The following TRIM41 variants were observed in gnomAD, a reference collection of about 807,000 sequenced individuals.
TRIM41 encodes the protein E3 ubiquitin-protein ligase TRIM41.
A neutral mutation model predicts 60.6 loss-of-function variants in TRIM41; 21 were observed. The observed-to-expected ratio is 0.35, with a 90% CI of 0.25 to 0.50. The LOEUF (loss-of-function observed/expected upper bound fraction) is 0.50, where lower values mean the gene tolerates loss of function less well. Ranked by LOEUF, TRIM41 falls within the 20% of genes least tolerant of loss-of-function variation. The probability of loss-of-function intolerance (pLI) is 0.98; values close to 1 mark genes in which losing one functional copy is unlikely to be tolerated. For synonymous variants in TRIM41, 407 were observed against 344.9 expected, an observed-to-expected ratio of 1.18 and a Z score of -2.00; for missense variants, 846 against 868.3, an observed-to-expected ratio of 0.97 and a Z score of 0.32.
Position 181,235,310 on chromosome 5 carries a change from G to A in TRIM41, c.*535G>A, listed in dbSNP as rs1759052547. On this transcript the variant is annotated 3_prime_UTR_variant, in exon 6 of 6. Transcript: ENST00000315073. ...TAAATGTCTATTCTCCTGGGGAGGA[G>A]GGATTCTAAACTTTCCTTCCGTCCT... 5 of 1,614,114 alleles carry A rather than the reference G, an allele frequency of 3.1e-6. No individual in the cohort carries two copies. The South Asian group carries it at 3.3e-5, about 11-fold the overall frequency.
rs1020225750 is a variant in TRIM41, at chr5:181,223,506, C to G, written c.-494C>G. 7 of 413,928 alleles carry G rather than the reference C, an allele frequency of 1.7e-5. No individual in the cohort carries two copies. Among genetic ancestry groups the G allele is most frequent in the African/African-American group, 1.2e-4 (6 of 49,186 alleles). The allele number at this position is 413,928 out of a possible 1,614,324, so 25.6% of individuals were successfully genotyped here. A position where few individuals can be genotyped will look rare whatever the true frequency, so the allele number is the denominator to read the frequency against. On this transcript the variant is annotated 5_prime_UTR_variant, in exon 1 of 6. Coordinates refer to ENST00000315073, the MANE Select transcript of TRIM41 (RefSeq NM_033549.5). ...CACAGAGACGCGGGCCTCCACCGTC[C>G]TAGCCCTCCCGCCCTGTTCTCTAGT...
chr5:181,234,307 A>G lies in TRIM41; in HGVS notation c.1425A>G (p.Val475=). The change falls in exon 6 of 6, where the codon GTA becomes GTG. Residue 475 remains valine, a synonymous_variant. Transcript: ENST00000315073. The surrounding 1 kb of genome is among the most constrained non-coding windows in gnomAD (Gnocchi z 5.6). ...HPKRFSADCC[V]LGAQGFRSGR... ...AGCGCTTCTCGGCCGACTGCTGCGT[A>G]CTGGGGGCCCAGGGCTTCCGCTCCG... is the stretch of plus-strand genomic sequence containing the variant. 1 of 1,612,336 alleles carries G rather than the reference A, an allele frequency of 6.2e-7. No homozygotes were observed. The highest frequency in any genetic ancestry group is 1.1e-5 in the South Asian group (1 of 91,016).
chr5:181,223,546 C>T lies in TRIM41; in HGVS notation c.-454C>T. The T allele has an allele frequency of 2.2e-6, 1 of 448,080 alleles. No individual in the cohort carries two copies. Among genetic ancestry groups the T allele is most frequent in the Non-Finnish European group, 3.9e-6 (1 of 254,192 alleles). The allele number at this position is 448,080 out of a possible 1,614,324, so 27.8% of individuals were successfully genotyped here. A position where few individuals can be genotyped will look rare whatever the true frequency, so the allele number is the denominator to read the frequency against. On this transcript the variant is annotated 5_prime_UTR_variant, in exon 1 of 6. Transcript: ENST00000315073. ...TGTTCTCTAGTGCGGACTAGAGCGT[C>T]TCCTCGCCATTTCCTGTCGCCCTGG...
intron 1 of TRIM41, 36 bp downstream of exon 1, chr5:181,224,848 G>C (rs777321218): frequency 6.2e-7 from 1 of 1,612,954 alleles, no homozygotes; most frequent in Non-Finnish European, 8.5e-7. Context: ...GGAGTTTAGT[G>C]GGGGGATGGA....
chr5:181,224,880 A>G lies in TRIM41; in HGVS notation c.813+68A>G, dbSNP rs186213237. On this transcript the variant is annotated intron_variant, in intron 1 of 5. Coordinates refer to ENST00000315073, the MANE Select transcript of TRIM41 (RefSeq NM_033549.5). ...TGGAGAGGAAGTAAGGGGACCTGGG[A>G]AAAGGAAACATCTCTTCACCCACCA... 9.2e-3 allele frequency: 14,773 copies of G among 1,600,678 alleles called. 82 individuals carry two copies. Among genetic ancestry groups the G allele is most frequent in the Non-Finnish European group, 0.011 (12,614 of 1,169,464 alleles).
At position 181,235,321 on chromosome 5, in the gene TRIM41, C is replaced by T. The variant is rs910515452; in HGVS notation, c.*546C>T. 1 of 1,614,146 alleles carries T rather than the reference C, an allele frequency of 6.2e-7. No individual in the cohort carries two copies. ...TCTCCTGGGGAGGAGGGATTCTAAA[C>T]TTTCCTTCCGTCCTCAATTTCTACC... On this transcript the variant is annotated 3_prime_UTR_variant, in exon 6 of 6. Coordinates refer to ENST00000315073, the MANE Select transcript of TRIM41 (RefSeq NM_033549.5).
At chr5:181,232,222 CCT>C (rs1758834365) in intron 2 of TRIM41, 1 of 169,276 alleles carries the variant, frequency 5.9e-6, no homozygotes, top group African/African-American at 2.4e-5. Context: ...ATTCCTAGTC[CCT>C]GTCAGTGGGA....
Position 181,230,792 on chromosome 5 carries a change from G to T in TRIM41, c.862G>T (p.Val288Leu). ...VEPLRKHLEA[V>L]QKMKAKEERR... Reference sequence around the variant, plus strand: ...ACCACTGAGGAAGCACCTGGAGGCAGTGCAGAAGATGAAAGCCAAGGAGGA... The same window carrying T: ...ACCACTGAGGAAGCACCTGGAGGCATTGCAGAAGATGAAAGCCAAGGAGGA... Residue 288 changes from valine (V) to leucine (L), a missense_variant, in exon 2 of 6, where the codon GTG becomes TTG. Val to Leu is a conservative substitution (Grantham distance 32). Transcript: ENST00000315073. 6.2e-7 allele frequency: 1 copy of T among 1,613,348 alleles called. No homozygotes were observed. Among genetic ancestry groups the T allele is most frequent in the Non-Finnish European group, 8.5e-7 (1 of 1,179,524 alleles).
chr5:181,225,153 G>T (rs777117279), intron 1 of TRIM41: 13 of 345,964 alleles, frequency 3.8e-5, no homozygotes, highest in Non-Finnish European at 6.0e-5. Flanking sequence ...CCTAGAGATG[G>T]AAAGAACTGG....
At position 181,234,616 on chromosome 5, in the gene TRIM41, C is replaced by T. The variant is rs1052139723; in HGVS notation, c.1734C>T (p.Arg578=). The T allele has an allele frequency of 9.0e-5, 145 of 1,614,124 alleles. No homozygotes were observed. Among genetic ancestry groups the T allele is most frequent in the Non-Finnish European group, 1.2e-4 (138 of 1,180,048 alleles). ...TGAGCCCCAGTGAGAAACCAAGGCG[C>T]TTTGGTGTGTACCTGGACTATGAAG... ...TLLSPSEKPR[R]FGVYLDYEAG... The change falls in exon 6 of 6, where the codon CGC becomes CGT. Residue 578 remains arginine, a synonymous_variant. Transcript: ENST00000315073. This position sits in a 1 kb window ranked among gnomAD's most constrained non-coding sequence, Gnocchi z 5.6.
chr5:181,223,967 C>T lies in TRIM41; in HGVS notation c.-33C>T. ...AAGACCCCCGCCCCTCGCCCCCCCA[C>T]CGAACCTCTACACTGGCTGGCTGGA... On this transcript the variant is annotated 5_prime_UTR_variant, in exon 1 of 6. Transcript: ENST00000315073. 6.4e-7 allele frequency: 1 copy of T among 1,557,760 alleles called. No homozygotes were observed. Among genetic ancestry groups the T allele is most frequent in the Non-Finnish European group, 8.7e-7 (1 of 1,148,988 alleles).
At chr5:181,225,784 CT>C (rs2113150389) in intron 1 of TRIM41, 1 of 152,306 alleles carries the variant, frequency 6.6e-6, no homozygotes, top group East Asian at 1.9e-4. Context: ...TTTGACTCTT[CT>C]TTGGACATAG....
In TRIM41 at chr5:181,223,904, G is replaced by A; in HGVS notation, c.-96G>A. 1.5e-6 allele frequency: 2 copies of A among 1,326,716 alleles called. No homozygotes were observed. The highest frequency in any genetic ancestry group is 2.1e-6 in the Non-Finnish European group (2 of 967,582). 82.2% of individuals were successfully genotyped at this position (1,326,716 alleles called of 1,614,324 possible). On this transcript the variant is annotated 5_prime_UTR_variant, in exon 1 of 6. Coordinates refer to ENST00000315073, the MANE Select transcript of TRIM41 (RefSeq NM_033549.5). The stretch of plus-strand genomic sequence containing the variant: ...TTGGGGCGAGGTGTGGAGGGGCAGG[G>A]CTGGGGGTGGAGCCGGGTCGCCAGG...
chr5:181,225,491 T>C (rs954873887), intron 1 of TRIM41: 3 of 153,924 alleles, frequency 1.9e-5, no homozygotes, highest in Admixed American at 1.3e-4. Context: ...GGCACTGTAC[T>C]AGGCACTTTT....
rs921343537 is a variant in TRIM41, at chr5:181,233,334, G to A, written c.1141-79G>A. On this transcript the variant is annotated intron_variant, in intron 3 of 5. Transcript: ENST00000315073. The surrounding 1 kb of genome is among the most constrained non-coding windows in gnomAD (Gnocchi z 4.1). The stretch of plus-strand genomic sequence containing the variant: ...CAGGTTCAGTCTCTGACTGGAGATC[G>A]GGGAACGCTGTCCCTGTGCAGCTGA... 2.8e-5 allele frequency: 41 copies of A among 1,447,086 alleles called. No homozygotes were observed. The Admixed American group carries it at 6.7e-4, about 24-fold the overall frequency. The allele number at this position is 1,447,086 out of a possible 1,614,324, so 89.6% of individuals were successfully genotyped here. A position where few individuals can be genotyped will look rare whatever the true frequency, so the allele number is the denominator to read the frequency against.
intron 2 of TRIM41, 56 bp downstream of exon 2, chr5:181,230,895 A>AG (rs1465238871): frequency 6.7e-7 from 1 of 1,491,690 alleles, no homozygotes; most frequent in East Asian, 2.3e-5. Flanking sequence ...CAAGGAAGGT[A>AG]GGGCTTCCCA....
Position 181,234,619 on chromosome 5 carries a change from TG to T in TRIM41, c.1739del (p.Gly580ValfsTer19). 1 of 1,614,230 alleles carries T rather than the reference TG, an allele frequency of 6.2e-7. No homozygotes were observed. The highest frequency in any genetic ancestry group is 2.2e-5 in the East Asian group (1 of 44,884). On this transcript the variant is annotated frameshift_variant, in exon 6 of 6. Coordinates refer to ENST00000315073, the MANE Select transcript of TRIM41 (RefSeq NM_033549.5). LOFTEE classifies it high-confidence loss of function. The surrounding 1 kb of genome is among the most constrained non-coding windows in gnomAD (Gnocchi z 5.6). ...LSPSEKPRRF[G>X]VYLDYEAGRL... ...GCCCCAGTGAGAAACCAAGGCGCTTTGGTGTGTACCTGGACTATGAAGCTGG... is the reference window on the plus strand; with the variant it reads ...GCCCCAGTGAGAAACCAAGGCGCTTTGTGTGTACCTGGACTATGAAGCTGG...
At chr5:181,232,951 C>T (rs560403796) in intron 3 of TRIM41, 62 bp downstream of exon 3, 257 of 1,473,834 alleles carry the variant, frequency 1.7e-4, no homozygotes, top group Non-Finnish European at 2.2e-4. Context: ...CAGTGCTTAC[C>T]AAACGCCTGT....
Position 181,234,813 on chromosome 5 carries a change from TGGG to T in TRIM41, c.*42_*44del, listed in dbSNP as rs749803445. Reference sequence around the variant, plus strand: ...CCGCAGGGGCCCCTCTGTCAGCACTTGGGGGGTGGGTGGTGGAGGGTGGCCCGT... The same window carrying T: ...CCGCAGGGGCCCCTCTGTCAGCACTTGGGTGGGTGGTGGAGGGTGGCCCGT... On this transcript the variant is annotated 3_prime_UTR_variant, in exon 6 of 6. Transcript: ENST00000315073. This position sits in a 1 kb window ranked among gnomAD's most constrained non-coding sequence, Gnocchi z 5.6. 18 of 1,606,452 alleles carry T rather than the reference TGGG, an allele frequency of 1.1e-5. No individual in the cohort carries two copies. The Admixed American group carries it at 1.2e-4, about 11-fold the overall frequency.
Sources: allele counts gnomAD v4.1 joint callset, GRCh38; gene constraint gnomAD v4.1.1; non-coding constraint Gnocchi (gnomAD v3.1); transcripts MANE v1.5; gene names NCBI Gene and HGNC (gene_info 2026-07-23, HGNC 2026-07-21).